Variants in MECR observed in about 807,000 individuals in gnomAD.
MECR encodes the protein enoyl-[acyl-carrier-protein] reductase, mitochondrial.
MECR carries 37 observed loss-of-function variants against 49.1 expected under a neutral mutation model. The observed-to-expected ratio is 0.75, with a 90% CI of 0.58 to 0.99. The LOEUF is 0.99. MECR is among the 50% of genes least tolerant of loss of function. The probability of loss-of-function intolerance (pLI) is 0.00; values close to 1 mark genes in which losing one functional copy is unlikely to be tolerated. For missense variants in MECR, 470 were observed against 479.6 expected, an observed-to-expected ratio of 0.98 and a Z score of 0.19; for synonymous variants, 198 against 191.1, an observed-to-expected ratio of 1.04 and a Z score of -0.30.
At chr1:29,190,637 T>C (rs1403758372), downstream of MECR, among the ~76,000 whole-genome samples, 1 of 150,742 alleles carries the variant, frequency 6.6e-6, no homozygotes, top group African/African-American at 2.4e-5. Flanking sequence ...CTATTAAAAA[T>C]AACAAAAACT....
the MECR span, among the ~76,000 whole-genome samples, chr1:29,180,902 T>TA: frequency 6.6e-6 from 1 of 152,244 alleles, no homozygotes; most frequent in East Asian, 1.9e-4. Context: ...ACGCAGATAC[T>TA]AGCCAGGGTG....
At chr1:29,190,742 T>C (rs1482254256), downstream of MECR, among the ~76,000 whole-genome samples, 3 of 150,396 alleles carry the variant, frequency 2.0e-5, no homozygotes, top group South Asian at 2.1e-4. Context: ...TGAGCCGAGA[T>C]TGCACCACTG....
intron 9 of MECR, among the ~76,000 whole-genome samples, chr1:29,195,055 G>C (rs1393041986): frequency 2.6e-5 from 4 of 152,136 alleles, no homozygotes; most frequent in African/African-American, 9.7e-5. Flanking sequence ...GGTTGAGTCT[G>C]TAGTGATCTG....
At chr1:29,198,365 C>T (rs1261661100) in intron 7 of MECR, among the ~76,000 whole-genome samples, 2 of 152,222 alleles carry the variant, frequency 1.3e-5, no homozygotes, top group African/African-American at 2.4e-5. Flanking sequence ...TTGTTTTTCA[C>T]GTATTGCCTA....
chr1:29,225,191 T>C (rs1681748739), intron 1 of MECR, among the ~76,000 whole-genome samples: 1 of 152,168 alleles, frequency 6.6e-6, no homozygotes, highest in Admixed American at 6.5e-5. Context: ...GGTAGTCCCC[T>C]CTGAGCTGGT....
rs746741319 is a variant in MECR at position 29,196,096 on chromosome 1, C to T, written c.892-83G>A. The T allele has an allele frequency of 4.5e-5, 72 of 1,594,802 alleles. No individual in the cohort carries two copies. The Middle Eastern group carries it at 4.9e-4, about 11-fold the overall frequency. ...AAGGGTACAGACTCCCCTCCAGGAA[C>T]GGGGCATTGCCTAAGCTTAGACAGC... On this transcript the variant is annotated intron_variant, in intron 8 of 9. Transcript: ENST00000263702.
intron 4 of MECR, among the ~76,000 whole-genome samples, chr1:29,204,260 T>C (rs568402754): frequency 2.0e-5 from 3 of 151,394 alleles, no homozygotes; most frequent in African/African-American, 7.3e-5. Flanking sequence ...AAATGCATCG[T>C]GTCCGGGAAA....
At chr1:29,176,489 T>A in the MECR span, among the ~76,000 whole-genome samples, 83 of 137,604 alleles carry the variant, frequency 6.0e-4, no homozygotes, top group Middle Eastern at 3.6e-3. Context: ...CTAAAAACTT[T>A]AAAAAAAAAA....
chr1:29,192,729 G>A lies in MECR; in HGVS notation c.*1293C>T, dbSNP rs1574214752. ...AAAAGTCACGTCAAGCTCTTCTCTC[G>A]GCCTGAATAAAGCTCACTCATTTGT... On this transcript the variant is annotated 3_prime_UTR_variant, in exon 10 of 10. Coordinates refer to ENST00000263702, the MANE Select transcript of MECR (RefSeq NM_016011.5). 6.6e-6 allele frequency: 1 copy of A among 152,012 alleles called. No individual in the cohort carries two copies. Among genetic ancestry groups the A allele is most frequent in the South Asian group, 2.1e-4 (1 of 4,820 alleles). 9.4% of individuals were successfully genotyped at this position (152,012 alleles called of 1,614,324 possible).
At chr1:29,190,054 A>G (rs1417597434), downstream of MECR, among the ~76,000 whole-genome samples, 1 of 152,172 alleles carries the variant, frequency 6.6e-6, no homozygotes, top group Non-Finnish European at 1.5e-5. Context: ...TCTGGGTGTC[A>G]GGGAGCCAGG....
the MECR span, among the ~76,000 whole-genome samples, chr1:29,177,753 T>C: frequency 6.6e-6 from 1 of 152,122 alleles, no homozygotes; most frequent in Non-Finnish European, 1.5e-5. Flanking sequence ...CCTGGTGTAA[T>C]AAAACGGTAG....
chr1:29,224,725 G>A (rs1388734894), intron 1 of MECR: 1 of 152,218 alleles, frequency 6.6e-6, no homozygotes. Context: ...TTATCAAGGA[G>A]TAACTGAAGA....
intron 1 of MECR, chr1:29,220,945 G>GA (rs1680613010): frequency 5.1e-6 from 5 of 984,562 alleles, no homozygotes; most frequent in Non-Finnish European, 6.0e-6. Context: ...CTGAGTCACT[G>GA]AAAGGAAGAC....
chr1:29,189,432 C>T (rs1425390811), downstream of MECR, among the ~76,000 whole-genome samples: 1 of 151,254 alleles, frequency 6.6e-6, no homozygotes, highest in Non-Finnish European at 1.5e-5. Flanking sequence ...AGGCTGGTCT[C>T]GAACTCCTGG....
the MECR span, among the ~76,000 whole-genome samples, chr1:29,183,700 T>G: frequency 2.0e-5 from 3 of 152,326 alleles, no homozygotes; most frequent in East Asian, 5.8e-4. Flanking sequence ...GCTCACTATA[T>G]ATTAGGAAAA....
chr1:29,172,317 CAG>C, the MECR span: 1 of 151,856 alleles, frequency 6.6e-6, no homozygotes, highest in Non-Finnish European at 1.5e-5. Flanking sequence ...ATTTTTGAGA[CAG>C]AGTCTCACTC....
Position 29,193,726 on chromosome 1 carries a change from A to C in MECR, c.*296T>G. The C allele has an allele frequency of 9.3e-6, 3 of 324,186 alleles. No homozygotes were observed. Among genetic ancestry groups the C allele is most frequent in the African/African-American group, 2.2e-5 (1 of 46,302 alleles). The allele number at this position is 324,186 out of a possible 1,614,324, so 20.1% of individuals were successfully genotyped here. ...TGGTCAGAAAATGATTACTGGGGGA[A>C]CACATGACAGAAAAGCAGGAAGGGG... On this transcript the variant is annotated 3_prime_UTR_variant, in exon 10 of 10. Coordinates refer to ENST00000263702, the MANE Select transcript of MECR (RefSeq NM_016011.5).
At chr1:29,230,230 C>A (rs1683091693) in intron 1 of MECR, 1 of 166,974 alleles carries the variant, frequency 6.0e-6, no homozygotes, top group Non-Finnish European at 1.3e-5. Context: ...CTACTCTTTA[C>A]TGACACATGA....
At chr1:29,171,888 G>A in the MECR span, 2 of 152,074 alleles carry the variant, frequency 1.3e-5, no homozygotes, top group Non-Finnish European at 2.9e-5. Flanking sequence ...TGAAGAACAG[G>A]GATTTTAAAT....
Sources: gnomAD v4.1 joint callset for allele counts (sites outside exome capture counted in the v4.1 genomes callset) on GRCh38, gnomAD v4.1.1 for gene constraint, MANE v1.5 for transcripts, NCBI Gene and HGNC (gene_info 2026-07-23, HGNC 2026-07-21) for gene names.